PHC1: variants seen among roughly 807,000 people sequenced by gnomAD.
PHC1 encodes the protein polyhomeotic homolog 1, also known as polyhomeotic-like protein 1.
A neutral mutation model predicts 104.3 loss-of-function variants in PHC1; 12 were observed. That is an observed-to-expected ratio of 0.12 (90% CI 0.07 to 0.19). The LOEUF is 0.19. PHC1 is among the 10% of genes least tolerant of loss of function. The pLI is 1.00. For synonymous variants in PHC1, 302 were observed against 455.8 expected (o/e 0.66, Z 4.30); for missense variants, 671 against 1,200.0 (o/e 0.56, Z 6.51).
chr12:8,927,852 G>T (rs1034214016), intron 6 of PHC1, among the ~76,000 whole-genome samples: 4 of 135,726 alleles, frequency 2.9e-5, no homozygotes, highest in Non-Finnish European at 6.4e-5. Context: ...TACTGTACTA[G>T]TTTTCTTTCT....
chr12:8,938,445 C>CT (rs11399108), intron 14 of PHC1, among the ~76,000 whole-genome samples: 51,440 of 142,202 alleles, frequency 0.36, 10,209 homozygotes, highest in South Asian at 0.46. Flanking sequence ...TGCTAGTCTT[C>CT]TTTTTTTTTT....
chr12:8,937,127 G>T (rs745458874), intron 12 of PHC1, 49 bp from the exon 13 acceptor site: 2 of 1,567,422 alleles, frequency 1.3e-6, no homozygotes, highest in South Asian at 2.3e-5. Flanking sequence ...TTAGAGCAGG[G>T]TGGTCTTCTG....
In PHC1 at chr12:8,919,749, T is replaced by C. The variant is rs1319359335; in HGVS notation, c.115-7T>C. 1 of 1,611,338 alleles carries C rather than the reference T, an allele frequency of 6.2e-7. No homozygotes were observed. Among genetic ancestry groups the C allele is most frequent in the East Asian group, 2.2e-5 (1 of 44,882 alleles). The stretch of plus-strand genomic sequence containing the variant: ...CATTCTAAATGTTTTATCCTCTCTT[T>C]TCCTAGGCTCTGCAAGCACTGCAGC... On this transcript the variant is annotated splice_region_variant and splice_polypyrimidine_tract_variant and intron_variant, in intron 2 of 14. Transcript: ENST00000544916. This position sits in a 1 kb window ranked among gnomAD's most constrained non-coding sequence, Gnocchi z 4.9.
At chr12:8,916,083 T>C (rs1339636812) in intron 1 of PHC1, 1 of 154,390 alleles carries the variant, frequency 6.5e-6, no homozygotes, top group Admixed American at 6.5e-5. Context: ...TGTATCTGTT[T>C]AGTGCTTTGA....
rs1945302555 is a variant in PHC1, at chr12:8,919,690, A to G, written c.115-66A>G. ...CCATGGCCCCCTTTCACACAAATAC[A>G]GTGATTTACATAGAATAGGAGCTAG... On this transcript the variant is annotated intron_variant, in intron 2 of 14. Transcript: ENST00000544916. The surrounding 1 kb of genome is among the most constrained non-coding windows in gnomAD (Gnocchi z 4.9). 2 of 1,472,100 alleles carry G rather than the reference A, an allele frequency of 1.4e-6. No individual in the cohort carries two copies. Among genetic ancestry groups the G allele is most frequent in the Non-Finnish European group, 1.9e-6 (2 of 1,072,782 alleles). The allele number at this position is 1,472,100 out of a possible 1,614,324, so 91.2% of individuals were successfully genotyped here.
intron 6 of PHC1, among the ~76,000 whole-genome samples, chr12:8,927,419 C>A (rs1945547270): frequency 6.6e-6 from 1 of 151,828 alleles, no homozygotes. Context: ...GAAGAGGAGG[C>A]AGTGGATATT....
rs772771182 is a variant in PHC1 at position 8,935,993 on chromosome 12, AC to A, written c.2368+757del. On this transcript the variant is annotated intron_variant, in intron 11 of 14. Coordinates refer to ENST00000544916, the MANE Select transcript of PHC1 (RefSeq NM_004426.3). ...TCAGGCTAGTAGTCGCCAACTCCCG[AC>A]CTCAGGTGATCCGCCCGCCTTGGCC... is the stretch of plus-strand genomic sequence containing the variant. 2.5e-4 allele frequency among the ~76,000 whole-genome samples: 38 copies of A among 151,966 alleles called. No individual in the cohort carries two copies. The East Asian group carries it at 6.2e-3, about 25-fold the overall frequency.
chr12:8,930,869 G>A lies in PHC1; in HGVS notation c.1047G>A (p.Val349=). 6.4e-7 allele frequency: 1 copy of A among 1,552,322 alleles called. No individual in the cohort carries two copies. The highest frequency in any genetic ancestry group is 8.7e-7 in the Non-Finnish European group (1 of 1,154,238). Residue 349 remains valine (V), a synonymous_variant, in exon 7 of 15, where the codon GTG becomes GTA. Coordinates refer to ENST00000544916, the MANE Select transcript of PHC1 (RefSeq NM_004426.3). ...CAGATGGGAGTGGCCAGCAGAATGT[G>A]GGCATGAACCTGACACGGACAGCCA... is the stretch of plus-strand genomic sequence containing the variant. ...AEADGSGQQN[V]GMNLTRTATP...
At chr12:8,937,775 G>A (rs1592214395) in intron 13 of PHC1, 54 bp from the exon 14 acceptor site, 5 of 1,410,802 alleles carry the variant, frequency 3.5e-6, no homozygotes, top group Middle Eastern at 3.5e-4. Context: ...GGAAGAAAGA[G>A]AGAGGAATAA....
intron 6 of PHC1, among the ~76,000 whole-genome samples, chr12:8,925,141 G>T (rs1427389085): frequency 2.0e-5 from 3 of 152,142 alleles, no homozygotes; most frequent in African/African-American, 7.2e-5. Context: ...ACTACTTACT[G>T]TGTGACCCTG....
At position 8,917,620 on chromosome 12, in the gene PHC1, T is replaced by A. The variant is rs1945238445; in HGVS notation, c.-48-10T>A. On this transcript the variant is annotated splice_polypyrimidine_tract_variant and intron_variant, in intron 1 of 14. Coordinates refer to ENST00000544916, the MANE Select transcript of PHC1 (RefSeq NM_004426.3). ...GATATAAATTTTAACCTTTTACTGCTTCCCTCTAGGTCTTGAGTCAGACAG... is the reference window on the plus strand; with the variant it reads ...GATATAAATTTTAACCTTTTACTGCATCCCTCTAGGTCTTGAGTCAGACAG... The A allele has an allele frequency of 1.4e-6, 1 of 740,100 alleles. No homozygotes were observed. Among genetic ancestry groups the A allele is most frequent in the Non-Finnish European group, 2.1e-6 (1 of 470,344 alleles). 45.8% of individuals were successfully genotyped at this position (740,100 alleles called of 1,614,324 possible). A position where few individuals can be genotyped will look rare whatever the true frequency, so the allele number is the denominator to read the frequency against.
rs1945756596 is a variant in PHC1 at position 8,933,760 on chromosome 12, A to G, written c.1894-105A>G. The stretch of plus-strand genomic sequence containing the variant: ...ACCATGGGAAGTAGATAAATTGGGA[A>G]ATCTGGAACTAAGAAAATTTTCTTT... On this transcript the variant is annotated intron_variant, in intron 8 of 14. Coordinates refer to ENST00000544916, the MANE Select transcript of PHC1 (RefSeq NM_004426.3). 3.3e-6 allele frequency: 3 copies of G among 898,040 alleles called. No homozygotes were observed. In the African/African-American group the frequency reaches 5.0e-5, roughly 15 times the overall value. The allele number at this position is 898,040 out of a possible 1,614,324, so 55.6% of individuals were successfully genotyped here.
chr12:8,931,912 T>A (rs773856786), intron 7 of PHC1, among the ~76,000 whole-genome samples: 1 of 152,356 alleles, frequency 6.6e-6, no homozygotes, highest in Non-Finnish European at 1.5e-5. Flanking sequence ...CATCACATGC[T>A]TTGATCTCTG....
chr12:8,923,566 C>T (rs918439962), intron 6 of PHC1, among the ~76,000 whole-genome samples: 14 of 152,060 alleles, frequency 9.2e-5, no homozygotes, highest in East Asian at 3.9e-4. Context: ...CGGTGGCTCA[C>T]GCCTGTAATC....
At chr12:8,939,206 C>A in intron 14 of PHC1, 99 bp from the exon 15 acceptor site, 1 of 1,404,418 alleles carries the variant, frequency 7.1e-7, no homozygotes, top group Non-Finnish European at 9.9e-7. Flanking sequence ...GAATTTAGGA[C>A]AGGTACTTTG....
In PHC1 at chr12:8,934,334, C is replaced by T. The variant is rs772875615; in HGVS notation, c.2109C>T (p.Pro703=). ...GCAGTGAACTAGTAGCCTTGACCCC[C>T]GCCCCTTCAGTACCGCCTCCTACAC... ...TPSSELVALT[P]APSVPPPTLA... is the part of the protein sequence containing the mutation. Residue 703 remains proline, a synonymous_variant, in exon 10 of 15, where the codon CCC becomes CCT. Coordinates refer to ENST00000544916, the MANE Select transcript of PHC1 (RefSeq NM_004426.3). The T allele has an allele frequency of 1.9e-5, 30 of 1,614,068 alleles. No individual in the cohort carries two copies. Among genetic ancestry groups the T allele is most frequent in the Middle Eastern group, 1.6e-4 (1 of 6,062 alleles).
intron 4 of PHC1, 49 bp downstream of exon 4, chr12:8,921,114 C>A: frequency 2.2e-6 from 3 of 1,389,608 alleles, no homozygotes; most frequent in Non-Finnish European, 3.0e-6. Context: ...GGGTCTTTGT[C>A]TCTGGGTTAA....
At chr12:8,929,097 A>G (rs1025085834) in intron 6 of PHC1, among the ~76,000 whole-genome samples, 2 of 152,234 alleles carry the variant, frequency 1.3e-5, no homozygotes, top group Admixed American at 1.3e-4. Context: ...TATGATAACA[A>G]ATATTTTCTA....
chr12:8,930,949 C>A, intron 7 of PHC1, 22 bp downstream of exon 7: 2 of 1,579,230 alleles, frequency 1.3e-6, no homozygotes, highest in South Asian at 2.3e-5. Context: ...TTCCTCATGT[C>A]ATTATTCTCT....
Sources: allele counts gnomAD v4.1 joint callset (sites outside exome capture counted in the v4.1 genomes callset), GRCh38; gene constraint gnomAD v4.1.1; non-coding constraint Gnocchi (gnomAD v3.1); transcripts MANE v1.5; gene names NCBI Gene and HGNC (gene_info 2026-07-23, HGNC 2026-07-21).